ACACA: variants seen among roughly 807,000 people sequenced by gnomAD.
ACACA encodes the protein acetyl-CoA carboxylase alpha, also known as acetyl-CoA carboxylase 1.
ACACA carries 103 observed loss-of-function variants against 296.1 expected under a neutral mutation model. That is an observed-to-expected ratio of 0.35 (90% CI 0.30 to 0.41). ACACA has a LOEUF of 0.41. Among genes scored for constraint, ACACA ranks in the 10% least tolerant of loss-of-function variants. ACACA has a pLI of 1.00. For missense variants in ACACA, 1,554 were observed against 2,989.7 expected (o/e 0.52, Z 11.20); for synonymous variants, 953 against 1,038.6 (o/e 0.92, Z 1.58).
chr17:37,147,254 T>C (rs1289678997), intron 45 of ACACA, among the ~76,000 whole-genome samples: 3 of 152,144 alleles, frequency 2.0e-5, no homozygotes, highest in Non-Finnish European at 4.4e-5. Context: ...GGAGGCTCTA[T>C]AATGTTTCAA....
chr17:37,166,159 G>T (rs1043085251), intron 41 of ACACA, among the ~76,000 whole-genome samples: 31 of 150,980 alleles, frequency 2.1e-4, no homozygotes, highest in African/African-American at 7.6e-4. Context: ...TTTAAGACAG[G>T]GTCTTGCTAT....
At chr17:37,139,406 T>C (rs1333110478) in intron 45 of ACACA, among the ~76,000 whole-genome samples, 1 of 152,154 alleles carries the variant, frequency 6.6e-6, no homozygotes, top group Non-Finnish European at 1.5e-5. Context: ...AGGGTAGAGA[T>C]ATAATGAAGG....
intron 2 of ACACA, among the ~76,000 whole-genome samples, chr17:37,335,114 G>A (rs1244388985): frequency 1.3e-5 from 2 of 151,898 alleles, no homozygotes; most frequent in Non-Finnish European, 2.9e-5. Context: ...CCCTACAAAG[G>A]ACTAGATCTC....
intron 5 of ACACA, 103 bp from the exon 6 acceptor site, chr17:37,278,108 A>G: frequency 1.2e-6 from 1 of 815,160 alleles, no homozygotes; most frequent in Non-Finnish European, 2.1e-6. Flanking sequence ...ATAAGTAACC[A>G]CAGGACAAAC....
At chr17:37,350,536 A>G (rs1441869807) in intron 1 of ACACA, among the ~76,000 whole-genome samples, 1 of 152,032 alleles carries the variant, frequency 6.6e-6, no homozygotes, top group Non-Finnish European at 1.5e-5. Context: ...AAAACAATGA[A>G]CAAACAAAAA....
chr17:37,091,012 T>C (rs2072591105), intron 54 of ACACA, among the ~76,000 whole-genome samples: 1 of 152,218 alleles, frequency 6.6e-6, no homozygotes, highest in African/African-American at 2.4e-5. Context: ...TATTAATCAT[T>C]TTTAATCCGT....
At chr17:37,193,303 A>G (rs1245645366) in intron 36 of ACACA, 71 bp downstream of exon 36, 1 of 1,190,508 alleles carries the variant, frequency 8.4e-7, no homozygotes, top group Non-Finnish European at 1.2e-6. Context: ...CGTATGGCAA[A>G]GATAAGCCGC....
At chr17:37,269,142 T>C (rs939491619) in intron 10 of ACACA, among the ~76,000 whole-genome samples, 2 of 152,082 alleles carry the variant, frequency 1.3e-5, no homozygotes, top group Non-Finnish European at 2.9e-5. Flanking sequence ...ATTTATTTAT[T>C]TTACAATTTT....
intron 48 of ACACA, among the ~76,000 whole-genome samples, chr17:37,123,883 C>G (rs1043366943): frequency 6.6e-6 from 1 of 152,198 alleles, no homozygotes; most frequent in African/African-American, 2.4e-5. Context: ...TAAAGAACAT[C>G]TTTATCCAAG....
intron 3 of ACACA, among the ~76,000 whole-genome samples, chr17:37,310,935 G>A (rs973604427): frequency 6.6e-6 from 1 of 152,120 alleles, no homozygotes; most frequent in Admixed American, 6.6e-5. Context: ...AGATTGGTAA[G>A]AGTAGAATGG....
intron 28 of ACACA, among the ~76,000 whole-genome samples, chr17:37,222,745 A>G (rs1425137583): frequency 6.6e-6 from 1 of 152,258 alleles, no homozygotes. Context: ...AGCTGGCAAC[A>G]GACTACCGTG....
chr17:37,141,759 T>C (rs890781997), intron 45 of ACACA, among the ~76,000 whole-genome samples: 10 of 152,092 alleles, frequency 6.6e-5, no homozygotes, highest in African/African-American at 2.4e-4. Flanking sequence ...TGGTGCAATC[T>C]TGGCTCGCTG....
chr17:37,334,830 C>T (rs886617753), intron 2 of ACACA, among the ~76,000 whole-genome samples: 1 of 152,092 alleles, frequency 6.6e-6, no homozygotes, highest in Non-Finnish European at 1.5e-5. Flanking sequence ...AATATTGATG[C>T]CCCATTGTAT....
chr17:37,256,325 G>A (rs1422919335), intron 14 of ACACA, among the ~76,000 whole-genome samples: 2 of 152,008 alleles, frequency 1.3e-5, no homozygotes, highest in Non-Finnish European at 2.9e-5. Flanking sequence ...TCATACCAAT[G>A]TTTTTTTCTG....
chr17:37,402,331 A>C (rs1349771309), intron 1 of ACACA, among the ~76,000 whole-genome samples: 2 of 151,908 alleles, frequency 1.3e-5, no homozygotes, highest in African/African-American at 4.8e-5. Flanking sequence ...GTACCTTGGC[A>C]AAAAAAACCT....
intron 43 of ACACA, among the ~76,000 whole-genome samples, chr17:37,154,305 T>C (rs1042354161): frequency 5.3e-5 from 8 of 151,448 alleles, no homozygotes; most frequent in African/African-American, 1.7e-4. Flanking sequence ...AAACCCTGTC[T>C]CTAAAAACAA....
intron 28 of ACACA, among the ~76,000 whole-genome samples, chr17:37,223,026 G>C (rs2079369890): frequency 6.6e-6 from 1 of 152,130 alleles, no homozygotes; most frequent in African/African-American, 2.4e-5. Context: ...AGGATTAAAT[G>C]AGAAAGATAA....
At chr17:37,335,889 T>C (rs982950655) in intron 2 of ACACA, among the ~76,000 whole-genome samples, 1 of 152,162 alleles carries the variant, frequency 6.6e-6, no homozygotes, top group Non-Finnish European at 1.5e-5. Context: ...GCTGTTGTTA[T>C]GTTAATCAAT....
At chr17:37,327,400 C>G (rs769581392) in intron 3 of ACACA, among the ~76,000 whole-genome samples, 1 of 152,158 alleles carries the variant, frequency 6.6e-6, no homozygotes, top group Non-Finnish European at 1.5e-5. Context: ...AGAACATTAG[C>G]TAGCTGAGGA....
Sources: gnomAD v4.1 joint callset for allele counts (sites outside exome capture counted in the v4.1 genomes callset) on GRCh38, gnomAD v4.1.1 for gene constraint, MANE v1.5 for transcripts, NCBI Gene and HGNC (gene_info 2026-07-23, HGNC 2026-07-21) for gene names.